Variants in CFAP20DC observed in about 807,000 individuals in gnomAD.
CFAP20DC encodes the protein protein CFAP20DC.
Under a neutral mutation model 101.7 loss-of-function variants are expected in CFAP20DC, and 84 were observed. The observed-to-expected ratio is 0.83, with a 90% CI of 0.69 to 0.99. The LOEUF is 0.99. CFAP20DC is among the 50% of genes least tolerant of loss of function. The pLI is 0.00. For missense variants in CFAP20DC, 1,007 were observed against 970.3 expected, an observed-to-expected ratio of 1.04 and a Z score of -0.50; for synonymous variants, 359 against 351.2, an observed-to-expected ratio of 1.02 and a Z score of -0.25.
chr3:58,751,949 C>T lies in CFAP20DC; in HGVS notation c.2332+1820G>A, dbSNP rs766328052. ...AAAGTAAGTGCTAAATGAATGGTGTCGTGCAACAAGAACCCAGGAAGGGTT... is the reference window on the plus strand; with the variant it reads ...AAAGTAAGTGCTAAATGAATGGTGTTGTGCAACAAGAACCCAGGAAGGGTT... On this transcript the variant is annotated intron_variant, in intron 16 of 16. Coordinates refer to ENST00000482387, the MANE Select transcript of CFAP20DC (RefSeq NM_001394063.1). Among the ~76,000 whole-genome samples the T allele has an allele frequency of 7.2e-5, 11 of 152,056 alleles. No individual in the cohort carries two copies. The East Asian group carries it at 7.7e-4, about 11-fold the overall frequency.
At chr3:58,845,338 C>T (rs964539454) in intron 13 of CFAP20DC, among the ~76,000 whole-genome samples, 9 of 152,006 alleles carry the variant, frequency 5.9e-5, no homozygotes, top group Non-Finnish European at 8.8e-5. Flanking sequence ...GATATCACCA[C>T]CGATCCCACA....
chr3:59,013,376 C>T (rs1030309936), intron 4 of CFAP20DC, among the ~76,000 whole-genome samples: 7 of 152,166 alleles, frequency 4.6e-5, no homozygotes, highest in Admixed American at 4.6e-4. Flanking sequence ...ACTCTTCTCT[C>T]TGGTAAGCAG....
intron 5 of CFAP20DC, among the ~76,000 whole-genome samples, chr3:58,933,931 C>T (rs906590703): frequency 6.6e-6 from 1 of 151,686 alleles, no homozygotes. Context: ...CAGAGCAGAA[C>T]TGAAGGAAAT....
At chr3:58,885,482 T>A (rs1231625066) in intron 6 of CFAP20DC, among the ~76,000 whole-genome samples, 2 of 152,048 alleles carry the variant, frequency 1.3e-5, no homozygotes, top group East Asian at 3.8e-4. Flanking sequence ...TTTTGGTGGG[T>A]ACACTCAATA....
intron 15 of CFAP20DC, among the ~76,000 whole-genome samples, chr3:58,789,084 G>T (rs571063515): frequency 6.6e-6 from 1 of 152,238 alleles, no homozygotes. Flanking sequence ...AATAGCATTA[G>T]TAGTTATTAT....
chr3:58,741,975 T>G (rs1389559446), downstream of CFAP20DC: 4 of 592,988 alleles, frequency 6.7e-6, no homozygotes, highest in African/African-American at 8.1e-5. Flanking sequence ...GAAAAGAAAG[T>G]GGGGTGAATG....
At position 58,795,113 on chromosome 3, in the gene CFAP20DC, G is replaced by A. The variant is rs1460608174; in HGVS notation, c.2237+11282C>T. 2.0e-5 allele frequency among the ~76,000 whole-genome samples: 3 copies of A among 152,152 alleles called. No individual in the cohort carries two copies. Among genetic ancestry groups the A allele is most frequent in the African/African-American group, 7.2e-5 (3 of 41,436 alleles). On this transcript the variant is annotated intron_variant, in intron 15 of 16. Transcript: ENST00000482387. This position sits in a 1 kb window ranked among gnomAD's most constrained non-coding sequence, Gnocchi z 4.2. ...GAATGGAGGTGATTGTTATAAACTA[G>A]AATTAGTACTTCTATTTTTTTAAAG...
intron 14 of CFAP20DC, among the ~76,000 whole-genome samples, chr3:58,810,774 G>C (rs1458816653): frequency 6.6e-6 from 1 of 151,436 alleles, no homozygotes; most frequent in Non-Finnish European, 1.5e-5. Context: ...GTCCCTGTTT[G>C]CAGATGACAT....
rs181464824 is a variant in CFAP20DC at position 58,813,636 on chromosome 3, T to C, written c.2176-7180A>G. On this transcript the variant is annotated intron_variant, in intron 14 of 16. Transcript: ENST00000482387. ...AAGAAGTCTCAAAATATTAATGATG[T>C]AGGTGATGGGAATTCTTCAGAGTAA... 6.1e-4 allele frequency among the ~76,000 whole-genome samples: 92 copies of C among 152,064 alleles called. 3 individuals are homozygous for C. Among genetic ancestry groups the C allele is most frequent in the African/African-American group, 2.1e-3 (87 of 41,338 alleles).
chr3:58,893,495 T>C (rs779113851), intron 6 of CFAP20DC, among the ~76,000 whole-genome samples: 18 of 152,236 alleles, frequency 1.2e-4, no homozygotes, highest in Non-Finnish European at 1.9e-4. Context: ...GCCAATTTGA[T>C]TGCAGTGGAC....
At chr3:58,856,812 A>G (rs941552751) in intron 12 of CFAP20DC, among the ~76,000 whole-genome samples, 4 of 152,168 alleles carry the variant, frequency 2.6e-5, no homozygotes, top group African/African-American at 9.7e-5. Flanking sequence ...ATGTTTTTTA[A>G]TTTAGTCTGG....
intron 14 of CFAP20DC, among the ~76,000 whole-genome samples, chr3:58,820,329 A>G (rs1410690633): frequency 2.1e-4 from 31 of 150,040 alleles, no homozygotes; most frequent in African/African-American, 7.4e-4. Context: ...AGGGTATTCA[A>G]TTAGGAAAAG....
chr3:58,870,881 C>T (rs1315534165), intron 7 of CFAP20DC, among the ~76,000 whole-genome samples: 1 of 99,850 alleles, frequency 1.0e-5, no homozygotes, highest in Non-Finnish European at 1.8e-5. Flanking sequence ...GGCGACAGAG[C>T]GAGACTCCGT....
chr3:58,806,524 A>G (rs2107733330), intron 14 of CFAP20DC, 68 bp from the exon 15 acceptor site: 1 of 1,097,698 alleles, frequency 9.1e-7, no homozygotes, highest in South Asian at 1.2e-5. Context: ...ATTCACATGC[A>G]CTCTCATTAC....
rs182052330 is a variant in CFAP20DC, at chr3:58,774,327, G to A, written c.2238-20464C>T. 2.2e-3 allele frequency among the ~76,000 whole-genome samples: 330 copies of A among 152,218 alleles called. 4 individuals carry two copies. Among genetic ancestry groups the A allele is most frequent in the African/African-American group, 7.6e-3 (317 of 41,538 alleles). ...GCCACTAGCTAGAGCTACAAATTGAGCATTTTCCCTAAATATTCAAAGTCA... is the reference window on the plus strand; with the variant it reads ...GCCACTAGCTAGAGCTACAAATTGAACATTTTCCCTAAATATTCAAAGTCA... On this transcript the variant is annotated intron_variant, in intron 15 of 16. Coordinates refer to ENST00000482387, the MANE Select transcript of CFAP20DC (RefSeq NM_001394063.1).
chr3:58,812,224 T>C (rs1330283492), intron 14 of CFAP20DC, among the ~76,000 whole-genome samples: 1 of 152,132 alleles, frequency 6.6e-6, no homozygotes, highest in African/African-American at 2.4e-5. Context: ...CAAAGGACTA[T>C]AAATCATGCT....
chr3:58,815,493 C>A (rs1393998035), intron 14 of CFAP20DC, among the ~76,000 whole-genome samples: 9 of 149,666 alleles, frequency 6.0e-5, no homozygotes, highest in Non-Finnish European at 7.4e-5. Context: ...GCAACAAAAG[C>A]CAAAATTGAC....
At chr3:58,738,149 A>G (rs2067800022), downstream of CFAP20DC, among the ~76,000 whole-genome samples, 1 of 152,158 alleles carries the variant, frequency 6.6e-6, no homozygotes, top group Non-Finnish European at 1.5e-5. The surrounding 1 kb of genome is among the most constrained non-coding windows in gnomAD (Gnocchi z 4.4). Context: ...CCTATGATAA[A>G]ACCATATGTG....
intron 4 of CFAP20DC, among the ~76,000 whole-genome samples, chr3:58,984,012 G>C (rs1419829814): frequency 6.6e-6 from 1 of 152,130 alleles, no homozygotes; most frequent in Non-Finnish European, 1.5e-5. Context: ...GTTAAGTTGG[G>C]CTATTTCTGA....
Sources: gnomAD v4.1 joint callset for allele counts (sites outside exome capture counted in the v4.1 genomes callset) on GRCh38, gnomAD v4.1.1 for gene constraint, Gnocchi (gnomAD v3.1) non-coding constraint, MANE v1.5 for transcripts, NCBI Gene and HGNC (gene_info 2026-07-23, HGNC 2026-07-21) for gene names.